FAM117B: variants seen among roughly 807,000 people sequenced by gnomAD.
FAM117B encodes family with sequence similarity 117 member B.
FAM117B carries 22 observed loss-of-function variants against 52.8 expected under a neutral mutation model. The ratio of observed to expected loss-of-function variants is 0.42; its 90% confidence interval spans 0.30 to 0.59. FAM117B has a LOEUF of 0.59. FAM117B is among the 20% of genes least tolerant of loss of function. The pLI is 0.22. For missense variants in FAM117B, 678 were observed against 802.6 expected, an observed-to-expected ratio of 0.84 and a Z score of 1.88; for synonymous variants, 309 against 324.1, an observed-to-expected ratio of 0.95 and a Z score of 0.50.
intron 4 of FAM117B, among the ~76,000 whole-genome samples, chr2:202,727,376 G>A (rs1190389092): frequency 6.6e-6 from 1 of 151,960 alleles, no homozygotes; most frequent in Non-Finnish European, 1.5e-5. Context: ...CATTTTTTAT[G>A]TATTGTCTAT....
At chr2:202,688,106 A>G (rs934833796) in intron 1 of FAM117B, among the ~76,000 whole-genome samples, 2 of 152,110 alleles carry the variant, frequency 1.3e-5, no homozygotes, top group African/African-American at 4.8e-5. Context: ...TATTCTATGT[A>G]TTTTCTGTCA....
rs148326062 is a variant in FAM117B at position 202,702,313 on chromosome 2, C to T, written c.753+6281C>T. ...GGCTGAGGCAGGAGAATCGCTTGAA[C>T]CCGGGAGGCAGAGGTTGCTGTGAGC... On this transcript the variant is annotated intron_variant, in intron 2 of 7. Coordinates refer to ENST00000392238, the MANE Select transcript of FAM117B (RefSeq NM_173511.4). Among the ~76,000 whole-genome samples, 1,301 of 152,112 alleles carry T rather than the reference C, an allele frequency of 8.6e-3. 23 individuals carry two copies. Among genetic ancestry groups the T allele is most frequent in the African/African-American group, 0.03 (1,231 of 41,530 alleles).
chr2:202,668,034 A>G (rs1397143129), intron 1 of FAM117B, among the ~76,000 whole-genome samples: 2 of 149,596 alleles, frequency 1.3e-5, no homozygotes, highest in African/African-American at 4.9e-5. Flanking sequence ...TAGGCAACAC[A>G]GTAAGGCTCC....
intron 7 of FAM117B, among the ~76,000 whole-genome samples, chr2:202,762,151 A>T (rs562566910): frequency 6.6e-6 from 1 of 152,328 alleles, no homozygotes. Context: ...GTCCCAATGT[A>T]ACATTTTAGC....
chr2:202,682,368 C>T (rs759182272), intron 1 of FAM117B, among the ~76,000 whole-genome samples: 6 of 152,130 alleles, frequency 3.9e-5, no homozygotes, highest in Non-Finnish European at 8.8e-5. Context: ...GAGCACCCTA[C>T]CCTAGATGGT....
intron 4 of FAM117B, among the ~76,000 whole-genome samples, chr2:202,735,566 G>C (rs1691425410): frequency 6.6e-6 from 1 of 152,124 alleles, no homozygotes; most frequent in South Asian, 2.1e-4. Flanking sequence ...CTTAGAGCTA[G>C]AGTCTTTCAC....
intron 4 of FAM117B, among the ~76,000 whole-genome samples, chr2:202,739,414 C>CCTGT (rs1411885492): frequency 1.3e-5 from 2 of 151,082 alleles, no homozygotes; most frequent in Non-Finnish European, 2.9e-5. Context: ...TGTCTGTCTT[C>CCTGT]CTGTCTGTCT....
At chr2:202,721,564 G>A (rs747698433) in intron 2 of FAM117B, among the ~76,000 whole-genome samples, 19 of 152,040 alleles carry the variant, frequency 1.2e-4, no homozygotes, top group Admixed American at 3.9e-4. Flanking sequence ...TCTTGGCACC[G>A]TGCTTAAAAA....
intron 1 of FAM117B, among the ~76,000 whole-genome samples, chr2:202,647,956 C>T (rs1414272854): frequency 2.0e-5 from 3 of 152,144 alleles, no homozygotes; most frequent in Admixed American, 6.5e-5. Flanking sequence ...TAGGCTGCTG[C>T]TTGGAGTCTT....
chr2:202,655,761 A>AGAGAGT (rs1690046684), intron 1 of FAM117B, among the ~76,000 whole-genome samples: 67 of 100,416 alleles, frequency 6.7e-4, no homozygotes, highest in Non-Finnish European at 9.9e-4. Context: ...AGAGAGAGAG[A>AGAGAGT]GTGTGTGTGT....
rs1692038513 is a variant in FAM117B at position 202,769,512 on chromosome 2, T to C, written c.*3748T>C. On this transcript the variant is annotated 3_prime_UTR_variant, in exon 8 of 8. Transcript: ENST00000392238. ...GCAGCCCTGAACAGCATTTTGTTTA[T>C]ACAGTCTTGTTTAAGAATAGAATTT... 6.6e-6 allele frequency: 1 copy of C among 152,656 alleles called. No homozygotes were observed. Among genetic ancestry groups the C allele is most frequent in the South Asian group, 2.1e-4 (1 of 4,826 alleles). 9.5% of individuals were successfully genotyped at this position (152,656 alleles called of 1,614,324 possible).
Position 202,635,352 on chromosome 2 carries a change from G to A in FAM117B, c.165G>A (p.Thr55=). 7.2e-7 allele frequency: 1 copy of A among 1,385,832 alleles called. No individual in the cohort carries two copies. The allele number at this position is 1,385,832 out of a possible 1,614,324, so 85.8% of individuals were successfully genotyped here. A position where few individuals can be genotyped will look rare whatever the true frequency, so the allele number is the denominator to read the frequency against. The change falls in exon 1 of 8, where the codon ACG becomes ACA. Residue 55 remains threonine, a synonymous_variant. Transcript: ENST00000392238. Reference sequence around the variant, plus strand: ...AGCAGCAGCAACATGGCAGCCCCACGCGGAGCGGCGGCGGCGGCGGCGGCA... The same window carrying A: ...AGCAGCAGCAACATGGCAGCCCCACACGGAGCGGCGGCGGCGGCGGCGGCA... ...QQQQQQHGSP[T]RSGGGGGGNN...
chr2:202,665,905 A>G (rs1690198405), intron 1 of FAM117B, among the ~76,000 whole-genome samples: 1 of 152,218 alleles, frequency 6.6e-6, no homozygotes, highest in Non-Finnish European at 1.5e-5. Flanking sequence ...CTGGCAGGAC[A>G]GGAAATCTTG....
Position 202,695,907 on chromosome 2 carries a change from A to C in FAM117B, c.628A>C (p.Ser210Arg). The C allele has an allele frequency of 1.2e-6, 2 of 1,609,590 alleles. No homozygotes were observed. Among genetic ancestry groups the C allele is most frequent in the Non-Finnish European group, 1.7e-6 (2 of 1,177,766 alleles). The change falls in exon 2 of 8, where the codon AGC becomes CGC. Residue 210 changes from serine (S) to arginine (R), a missense_variant. This residue lies in a region of FAM117B where 583 missense variants were observed against 644.8 expected (regional missense o/e 0.90). Coordinates refer to ENST00000392238, the MANE Select transcript of FAM117B (RefSeq NM_173511.4). ...AGDKTRQPSSSPSSIIRRTSS... is the reference protein window; with the variant it reads ...AGDKTRQPSSRPSSIIRRTSS... Reference sequence around the variant, plus strand: ...TGACAAAACACGACAGCCTTCTTCAAGCCCCTCCAGTATTATCCGACGCAC... The same window carrying C: ...TGACAAAACACGACAGCCTTCTTCACGCCCCTCCAGTATTATCCGACGCAC...
chr2:202,637,898 A>G (rs991408057), intron 1 of FAM117B, among the ~76,000 whole-genome samples: 6 of 139,420 alleles, frequency 4.3e-5, no homozygotes, highest in Non-Finnish European at 7.7e-5. Context: ...TTTTTTTAAG[A>G]TGGAGTCTCA....
chr2:202,702,300 A>G (rs896840835), intron 2 of FAM117B, among the ~76,000 whole-genome samples: 22 of 152,058 alleles, frequency 1.4e-4, no homozygotes, highest in Admixed American at 1.1e-3. Context: ...CTGAGGCAGG[A>G]GAATCGCTTG....
At chr2:202,678,854 G>A (rs953987442) in intron 1 of FAM117B, among the ~76,000 whole-genome samples, 2 of 152,082 alleles carry the variant, frequency 1.3e-5, no homozygotes, top group African/African-American at 2.4e-5. Context: ...CTCTGCACCC[G>A]GACAAGGGTG....
At chr2:202,691,959 G>C (rs1409716726) in intron 1 of FAM117B, among the ~76,000 whole-genome samples, 1 of 152,114 alleles carries the variant, frequency 6.6e-6, no homozygotes, top group Non-Finnish European at 1.5e-5. Flanking sequence ...AAATAACTGT[G>C]CCATAGTGAA....
chr2:202,668,176 T>TG (rs1690235268), intron 1 of FAM117B, among the ~76,000 whole-genome samples: 1 of 124,738 alleles, frequency 8.0e-6, no homozygotes, highest in Non-Finnish European at 1.5e-5. Context: ...TACATACATA[T>TG]TATATTATAT....
Sources: gnomAD v4.1 joint callset for allele counts (sites outside exome capture counted in the v4.1 genomes callset) on GRCh38, gnomAD v4.1.1 for gene constraint, gnomAD v4.1.1 regional missense constraint, MANE v1.5 for transcripts, NCBI Gene and HGNC (gene_info 2026-07-23, HGNC 2026-07-21) for gene names.